The following KCNQ1 variants were observed in gnomAD, a reference collection of about 807,000 sequenced individuals.
The protein encoded by KCNQ1 is potassium voltage-gated channel subfamily Q member 1, also known as potassium voltage-gated channel subfamily KQT member 1.
Under a neutral mutation model 72.4 loss-of-function variants are expected in KCNQ1, and 49 were observed. That is an observed-to-expected ratio of 0.68 (90% CI 0.54 to 0.86). The LOEUF is 0.86. Ranked by LOEUF, KCNQ1 falls within the 40% of genes least tolerant of loss-of-function variation. The pLI is 0.00. For missense variants in KCNQ1, 790 were observed against 945.1 expected (o/e 0.84, Z 2.15); for synonymous variants, 450 against 412.6 (o/e 1.09, Z -1.10).
rs1850714365 is a variant in KCNQ1 at position 2,698,413 on chromosome 11, G to T, written c.1514+36332G>T. 7.6e-6 allele frequency: 3 copies of T among 394,904 alleles called. No homozygotes were observed. The Admixed American group carries it at 1.3e-4, about 18-fold the overall frequency. The allele number at this position is 394,904 out of a possible 1,614,324, so 24.5% of individuals were successfully genotyped here. A position where few individuals can be genotyped will look rare whatever the true frequency, so the allele number is the denominator to read the frequency against. On this transcript the variant is annotated intron_variant, in intron 11 of 15. Coordinates refer to ENST00000155840, the MANE Select transcript of KCNQ1 (RefSeq NM_000218.3). The surrounding 1 kb of genome is among the most constrained non-coding windows in gnomAD (Gnocchi z 5.1). ...GGGGTACTGGGATCTGAACATAGTG[G>T]TGGCCCTTCAAGCCTACTACCCAGA...
chr11:2,693,195 TC>T, intron 11 of KCNQ1: 1 of 398,716 alleles, frequency 2.5e-6, no homozygotes, highest in Non-Finnish European at 4.4e-6. Flanking sequence ...GGCTCTGCGT[TC>T]CAGTCAGACC....
Position 2,468,054 on chromosome 11 carries a change from G to A in KCNQ1, c.386+22570G>A, listed in dbSNP as rs991009431. Among the ~76,000 whole-genome samples, 5 of 152,254 alleles carry A rather than the reference G, an allele frequency of 3.3e-5. No individual in the cohort carries two copies. The highest frequency in any genetic ancestry group is 7.3e-5 in the Non-Finnish European group (5 of 68,038). ...TAGGGATAACAGCAGCTTCTTAAAG[G>A]GCTGTTAGCCACGTGCTTAGACTGT... On this transcript the variant is annotated intron_variant, in intron 1 of 15. Transcript: ENST00000155840. The surrounding 1 kb of genome is among the most constrained non-coding windows in gnomAD (Gnocchi z 5.7).
intron 10 of KCNQ1, chr11:2,635,662 C>G (rs1248635887): frequency 6.6e-6 from 1 of 152,064 alleles, no homozygotes; most frequent in Non-Finnish European, 1.5e-5. Context: ...CTTGGCAATG[C>G]GGGCTCTTTT....
Position 2,626,331 on chromosome 11 carries a change from G to T in KCNQ1, c.1394-35630G>T, listed in dbSNP as rs1468341880. On this transcript the variant is annotated intron_variant, in intron 10 of 15. Transcript: ENST00000155840. This position sits in a 1 kb window ranked among gnomAD's most constrained non-coding sequence, Gnocchi z 4.0. ...ATTTTTGTGTATGGTATTAGGTAAG[G>T]GTCTCAACTTCAGTTATCCTGGCAC... 1.0e-5 allele frequency: 4 copies of T among 398,312 alleles called. No individual in the cohort carries two copies. The highest frequency in any genetic ancestry group is 4.4e-5 in the Admixed American group (1 of 22,690). 24.7% of individuals were successfully genotyped at this position (398,312 alleles called of 1,614,324 possible).
intron 6 of KCNQ1, among the ~76,000 whole-genome samples, chr11:2,580,159 C>T (rs1024631016): frequency 3.3e-5 from 5 of 152,156 alleles, no homozygotes; most frequent in African/African-American, 1.2e-4. Context: ...GCACGCAAGG[C>T]AGGAGCTCCC....
At chr11:2,675,879 C>T (rs1038776623) in intron 11 of KCNQ1, 15 of 398,570 alleles carry the variant, frequency 3.8e-5, no homozygotes, top group African/African-American at 1.6e-4. Flanking sequence ...GGGAGCCAAT[C>T]GTGCTTTATG....
chr11:2,490,685 T>A (rs2133626000), intron 1 of KCNQ1, among the ~76,000 whole-genome samples: 1 of 152,282 alleles, frequency 6.6e-6, no homozygotes, highest in Non-Finnish European at 1.5e-5. Context: ...AAGGCAGTAT[T>A]TTTTTTAATA....
chr11:2,562,751 C>T lies in KCNQ1; in HGVS notation c.478-7877C>T, dbSNP rs973081230. On this transcript the variant is annotated intron_variant, in intron 2 of 15. Coordinates refer to ENST00000155840, the MANE Select transcript of KCNQ1 (RefSeq NM_000218.3). This position sits in a 1 kb window ranked among gnomAD's most constrained non-coding sequence, Gnocchi z 7.5. ...ATTCCTGGCTCCAGTGGAAGGTCCC[C>T]AGGCCTAAGTCTATGGGGGCGCCAG... Among the ~76,000 whole-genome samples, 2 of 152,184 alleles carry T rather than the reference C, an allele frequency of 1.3e-5. No individual in the cohort carries two copies. Among genetic ancestry groups the T allele is most frequent in the Non-Finnish European group, 2.9e-5 (2 of 68,024 alleles).
At chr11:2,583,585 C>T in intron 7 of KCNQ1, 40 bp downstream of exon 7, 1 of 1,401,100 alleles carries the variant, frequency 7.1e-7, no homozygotes, top group Non-Finnish European at 1.0e-6. Flanking sequence ...GCTCCTTGGA[C>T]AGCTGGGGTC....
Position 2,588,746 on chromosome 11 carries a change from A to C in KCNQ1, c.1285A>C (p.Asn429His). The C allele has an allele frequency of 6.2e-7, 1 of 1,613,730 alleles. No homozygotes were observed. Among genetic ancestry groups the C allele is most frequent in the South Asian group, 1.1e-5 (1 of 90,996 alleles). The change falls in exon 10 of 16, where the codon AAT becomes CAT. Residue 429 changes from asparagine to histidine, a missense_variant. By Grantham distance (68) the Asn-to-His change is moderately conservative. This residue lies in a region of KCNQ1 where 178 missense variants were observed against 177.9 expected (regional missense o/e 1.00). Transcript: ENST00000155840. This position sits in a 1 kb window ranked among gnomAD's most constrained non-coding sequence, Gnocchi z 5.6. ...AAAAAAGTTCAAGCTGGACAAAGAC[A>C]ATGGGGTGACTCCTGGAGAGAAGAT... ...KKKKFKLDKDNGVTPGEKMLT... is the reference protein window; with the variant it reads ...KKKKFKLDKDHGVTPGEKMLT...
At chr11:2,519,663 A>G (rs1047373998) in intron 1 of KCNQ1, among the ~76,000 whole-genome samples, 1 of 152,066 alleles carries the variant, frequency 6.6e-6, no homozygotes, top group African/African-American at 2.4e-5. Flanking sequence ...AACAACAACA[A>G]CTAATATATG....
intron 10 of KCNQ1, chr11:2,646,205 G>A: frequency 2.5e-6 from 1 of 398,642 alleles, no homozygotes; most frequent in Non-Finnish European, 4.4e-6. Flanking sequence ...ATTTTGTGGA[G>A]GAGGTGAGTG....
chr11:2,709,432 A>G (rs1209156643), intron 11 of KCNQ1, among the ~76,000 whole-genome samples: 1 of 144,670 alleles, frequency 6.9e-6, no homozygotes, highest in East Asian at 2.1e-4. Context: ...TTTTTTTTTT[A>G]TTTTGTATTT....
chr11:2,754,922 C>T (rs145840989), intron 11 of KCNQ1, among the ~76,000 whole-genome samples: 6 of 152,296 alleles, frequency 3.9e-5, no homozygotes, highest in African/African-American at 9.6e-5. Flanking sequence ...TGCAGACTGG[C>T]GATTGCACTA....
Position 2,659,777 on chromosome 11 carries a change from ATT to A in KCNQ1, c.1394-2175_1394-2174del. 1 of 394,360 alleles carries A rather than the reference ATT, an allele frequency of 2.5e-6. No homozygotes were observed. Among genetic ancestry groups the A allele is most frequent in the Admixed American group, 4.5e-5 (1 of 22,466 alleles). The allele number at this position is 394,360 out of a possible 1,614,324, so 24.4% of individuals were successfully genotyped here. On this transcript the variant is annotated intron_variant, in intron 10 of 15. Coordinates refer to ENST00000155840, the MANE Select transcript of KCNQ1 (RefSeq NM_000218.3). This position sits in a 1 kb window ranked among gnomAD's most constrained non-coding sequence, Gnocchi z 4.3. ...AGTGGTTGGTATTGTCAGGTTTTGA[ATT>A]TTTTTTTTAATTTATGGAATTTCAT...
At chr11:2,680,658 C>A in intron 11 of KCNQ1, 1 of 398,612 alleles carries the variant, frequency 2.5e-6, no homozygotes, top group East Asian at 3.6e-5. Flanking sequence ...GATAGTCTCA[C>A]TACAGGACAT....
chr11:2,649,178 TCTTTCA>T (rs1410403095), intron 10 of KCNQ1: 1 of 398,160 alleles, frequency 2.5e-6, no homozygotes, highest in East Asian at 3.6e-5. Flanking sequence ...CCAGTATCTA[TCTTTCA>T]TTTGGGAAAT....
In KCNQ1 at chr11:2,549,567, C is replaced by G. The variant is rs1052738634; in HGVS notation, c.478-21061C>G. On this transcript the variant is annotated intron_variant, in intron 2 of 15. Transcript: ENST00000155840. This position sits in a 1 kb window ranked among gnomAD's most constrained non-coding sequence, Gnocchi z 6.2. ...GCGTGGGCAGGTCCTGTTGTGGAGC[C>G]TCGTGACCTGCTCATAGCACAGCTG... Among the ~76,000 whole-genome samples, 5 of 151,604 alleles carry G rather than the reference C, an allele frequency of 3.3e-5. No homozygotes were observed. Among genetic ancestry groups the G allele is most frequent in the Non-Finnish European group, 4.4e-5 (3 of 67,958 alleles).
intron 15 of KCNQ1, among the ~76,000 whole-genome samples, chr11:2,814,672 G>A (rs1379298551): frequency 6.6e-6 from 1 of 151,900 alleles, no homozygotes; most frequent in Non-Finnish European, 1.5e-5. Flanking sequence ...GGAGGTAAGG[G>A]AGGGAGGGAG....
Sources: allele counts gnomAD v4.1 joint callset (sites outside exome capture counted in the v4.1 genomes callset), GRCh38; gene constraint gnomAD v4.1.1; regional missense constraint gnomAD v4.1.1; non-coding constraint Gnocchi (gnomAD v3.1); transcripts MANE v1.5; gene names NCBI Gene and HGNC (gene_info 2026-07-23, HGNC 2026-07-21).